The following TULP4 variants were observed in gnomAD, a reference collection of about 807,000 sequenced individuals.
TULP4 encodes tubby-related protein 4.
TULP4 carries 16 observed loss-of-function variants against 129.0 expected under a neutral mutation model. That is an observed-to-expected ratio of 0.12 (90% CI 0.08 to 0.19). TULP4 has a LOEUF of 0.19. Among genes scored for constraint, TULP4 ranks in the 10% least tolerant of loss-of-function variants. The pLI is 1.00. For synonymous variants in TULP4, 998 were observed against 854.0 expected (o/e 1.17, Z -2.94); for missense variants, 1,842 against 2,059.1 (o/e 0.89, Z 2.04).
chr6:158,497,242 A>C (rs1780354419), intron 11 of TULP4, among the ~76,000 whole-genome samples: 1 of 152,238 alleles, frequency 6.6e-6, no homozygotes, highest in Non-Finnish European at 1.5e-5. Flanking sequence ...ACTAGAGAAC[A>C]GAAATTAACT....
At position 158,508,615 on chromosome 6, in the gene TULP4, G is replaced by A. The variant is rs944098121; in HGVS notation, c.*1921G>A. ...AATTAATTCTTTTATATGAGTTTAT[G>A]TAGCTTGATATGGTGTTTCAGTGCT... On this transcript the variant is annotated 3_prime_UTR_variant, in exon 14 of 14. Transcript: ENST00000367097. 2.0e-5 allele frequency: 3 copies of A among 152,568 alleles called. No homozygotes were observed. Among genetic ancestry groups the A allele is most frequent in the Non-Finnish European group, 4.4e-5 (3 of 68,034 alleles). The allele number at this position is 152,568 out of a possible 1,614,324, so 9.5% of individuals were successfully genotyped here. A position where few individuals can be genotyped will look rare whatever the true frequency, so the allele number is the denominator to read the frequency against.
intron 1 of TULP4, among the ~76,000 whole-genome samples, chr6:158,305,362 T>TGC (rs908892869): frequency 1.4e-5 from 2 of 146,136 alleles, no homozygotes; most frequent in Non-Finnish European, 3.0e-5. Flanking sequence ...TGTGTGTGTG[T>TGC]GTACATATAC....
At chr6:158,251,289 T>A (rs1455901394) in intron 1 of TULP4, among the ~76,000 whole-genome samples, 1 of 152,236 alleles carries the variant, frequency 6.6e-6, no homozygotes, top group African/African-American at 2.4e-5. Context: ...TACTGAATTT[T>A]TAGTTCGGTG....
Position 158,375,009 on chromosome 6 carries a change from G to A in TULP4, c.253-38056G>A, listed in dbSNP as rs150590340. Among the ~76,000 whole-genome samples, 199 of 152,278 alleles carry A rather than the reference G, an allele frequency of 1.3e-3. 1 individual carries two copies. Among genetic ancestry groups the A allele is most frequent in the African/African-American group, 4.4e-3 (182 of 41,548 alleles). On this transcript the variant is annotated intron_variant, in intron 1 of 13. Transcript: ENST00000367097. ...TGTAATCCCAGCACTTTGGGAGGCC[G>A]AGGCGGGCGGGTCACTTGAGGTCAG... is the stretch of plus-strand genomic sequence containing the variant.
chr6:158,437,745 A>C (rs758533835), intron 3 of TULP4: 1 of 152,040 alleles, frequency 6.6e-6, no homozygotes, highest in African/African-American at 2.4e-5. Flanking sequence ...ACAATTTAGA[A>C]CTCAAGGAGA....
chr6:158,414,331 G>A (rs773376415), intron 2 of TULP4, among the ~76,000 whole-genome samples: 2 of 121,156 alleles, frequency 1.7e-5, no homozygotes, highest in Admixed American at 8.0e-5. Context: ...GAGTGGACAT[G>A]TGATTAAGAG....
intron 8 of TULP4, among the ~76,000 whole-genome samples, chr6:158,486,698 A>G (rs1201638934): frequency 1.3e-5 from 2 of 152,158 alleles, no homozygotes; most frequent in African/African-American, 2.4e-5. Flanking sequence ...TGAGGAAACA[A>G]TTTCTATTAT....
intron 1 of TULP4, among the ~76,000 whole-genome samples, chr6:158,363,868 A>G (rs1280369194): frequency 6.6e-6 from 1 of 152,196 alleles, no homozygotes; most frequent in Non-Finnish European, 1.5e-5. Context: ...ATATTAAAAT[A>G]GTGAAATAAT....
intron 1 of TULP4, among the ~76,000 whole-genome samples, chr6:158,378,485 T>TTTTTTTGGG (rs1554285635): frequency 1.4e-4 from 7 of 51,406 alleles, no homozygotes; most frequent in Non-Finnish European, 1.6e-4. Flanking sequence ...TTTTTTTTTT[T>TTTTTTTGGG]GGTGGGGGTG....
intron 5 of TULP4, among the ~76,000 whole-genome samples, chr6:158,460,120 A>T (rs1167344625): frequency 1.3e-5 from 2 of 152,020 alleles, no homozygotes; most frequent in African/African-American, 4.8e-5. Flanking sequence ...AGCTAACTTC[A>T]TGAGAAAGTC....
At position 158,252,892 on chromosome 6, in the gene TULP4, C is replaced by T. The variant is rs552557912; in HGVS notation, n.68+20589C>T. ...TAGATGGGGTGGGTTTTTCTATCCG[C>T]GTTTGTGTAGAACTTTACAGCTTTA... On this transcript the variant is annotated intron_variant and non_coding_transcript_variant, in intron 1 of 1. Transcript: ENST00000620026. 5.9e-5 allele frequency among the ~76,000 whole-genome samples: 9 copies of T among 152,230 alleles called. No individual in the cohort carries two copies. In the East Asian group the frequency reaches 1.2e-3, roughly 20 times the overall value.
chr6:158,429,108 G>A (rs1387864493), intron 2 of TULP4, among the ~76,000 whole-genome samples: 3 of 152,098 alleles, frequency 2.0e-5, no homozygotes, highest in Non-Finnish European at 4.4e-5. Flanking sequence ...TCAGCCTCCT[G>A]AGTAGCTAAG....
intron 1 of TULP4, among the ~76,000 whole-genome samples, chr6:158,239,952 C>A (rs1189734046): frequency 3.5e-5 from 3 of 85,798 alleles, no homozygotes; most frequent in African/African-American, 1.2e-4. Context: ...GCTGACCCCC[C>A]CCACCTCCCT....
chr6:158,505,157 A>G (rs1780572660), intron 13 of TULP4, among the ~76,000 whole-genome samples: 1 of 152,160 alleles, frequency 6.6e-6, no homozygotes, highest in South Asian at 2.1e-4. Flanking sequence ...AGCTGAACAC[A>G]TTGGGTCCTA....
At position 158,502,175 on chromosome 6, in the gene TULP4, C is replaced by A; in HGVS notation, c.2512C>A (p.Pro838Thr). Residue 838 changes from proline (P) to threonine (T), a missense_variant, in exon 13 of 14, where the codon CCA (proline) becomes ACA (threonine). Pro to Thr is a conservative substitution (Grantham distance 38). Around this residue, in one of 5 missense-constraint regions of TULP4, gnomAD observed 1,089 missense variants for 987.1 expected, o/e 1.10. Coordinates refer to ENST00000367097, the MANE Select transcript of TULP4 (RefSeq NM_020245.5). ...GAAGATAAACCCTCCACCCCCGTAC[C>A]CAGGAACCATCCCCGCTGCCCCCAC... ...VTKINPPPPYPGTIPAAPTTA... is the reference protein window; with the variant it reads ...VTKINPPPPYTGTIPAAPTTA... 2 of 1,559,160 alleles carry A rather than the reference C, an allele frequency of 1.3e-6. No homozygotes were observed. Among genetic ancestry groups the A allele is most frequent in the Middle Eastern group, 1.8e-4 (1 of 5,482 alleles).
At chr6:158,348,172 G>GTTTTTTTTTTTTTTTTTTATTT (rs1294845534) in intron 1 of TULP4, among the ~76,000 whole-genome samples, 1 of 56,560 alleles carries the variant, frequency 1.8e-5, no homozygotes, top group Non-Finnish European at 3.0e-5. Flanking sequence ...TTTTTTTTAA[G>GTTTTTTTTTTTTTTTTTTATTT]GTTTTTTTTT....
chr6:158,473,483 G>A (rs1037560015), intron 6 of TULP4, among the ~76,000 whole-genome samples: 2 of 152,168 alleles, frequency 1.3e-5, no homozygotes, highest in Non-Finnish European at 2.9e-5. Flanking sequence ...TCCAACCAAC[G>A]TAGTTTGACG....
intron 1 of TULP4, among the ~76,000 whole-genome samples, chr6:158,250,999 G>A (rs907219989): frequency 6.6e-5 from 10 of 152,144 alleles, no homozygotes; most frequent in Middle Eastern, 3.4e-3. Context: ...AATTGGTTTC[G>A]CTCCTTTGGT....
At chr6:158,251,541 A>G (rs916520793) in intron 1 of TULP4, among the ~76,000 whole-genome samples, 1 of 152,276 alleles carries the variant, frequency 6.6e-6, no homozygotes, top group Non-Finnish European at 1.5e-5. Context: ...ATTTAAAAAC[A>G]CACAGAAACA....
Sources: allele counts gnomAD v4.1 joint callset (sites outside exome capture counted in the v4.1 genomes callset), GRCh38; gene constraint gnomAD v4.1.1; regional missense constraint gnomAD v4.1.1; transcripts MANE v1.5; gene names NCBI Gene and HGNC (gene_info 2026-07-23, HGNC 2026-07-21).